Variants in PRR5 observed in about 807,000 individuals in gnomAD.
PRR5 encodes proline rich 5, also known as proline-rich protein 5.
A neutral mutation model predicts 30.6 loss-of-function variants in PRR5; 25 were observed. That is an observed-to-expected ratio of 0.82 (90% CI 0.60 to 1.14). The LOEUF is 1.14. Among genes scored for constraint, PRR5 ranks in the 50% most tolerant of loss-of-function variants. The probability of loss-of-function intolerance (pLI) is 0.00; values close to 1 mark genes in which losing one functional copy is unlikely to be tolerated. For synonymous variants in PRR5, 286 were observed against 247.1 expected (o/e 1.16, Z -1.48); for missense variants, 600 against 547.1 (o/e 1.10, Z -0.96).
upstream of PRR5, among the ~76,000 whole-genome samples, chr22:44,698,253 G>T (rs909064251): frequency 6.6e-6 from 1 of 152,174 alleles, no homozygotes; most frequent in African/African-American, 2.4e-5. Flanking sequence ...TGATGCCATC[G>T]GGCCTGGCAC....
intron 1 of PRR5, among the ~76,000 whole-genome samples, chr22:44,683,705 C>G (rs1463696119): frequency 6.6e-6 from 1 of 152,248 alleles, no homozygotes; most frequent in African/African-American, 2.4e-5. Context: ...GGCCTCAGAT[C>G]CAGTCCCTCT....
At chr22:44,711,874 C>T (rs1928293457) in intron 1 of PRR5, among the ~76,000 whole-genome samples, 1 of 152,226 alleles carries the variant, frequency 6.6e-6, no homozygotes, top group African/African-American at 2.4e-5. Flanking sequence ...ACCCCAACAG[C>T]TGCCACAGGG....
At chr22:44,675,422 C>T (rs146550483), upstream of PRR5, among the ~76,000 whole-genome samples, 2 of 152,270 alleles carry the variant, frequency 1.3e-5, no homozygotes, top group African/African-American at 2.4e-5. Context: ...GGTGTAATAT[C>T]GTGAGCATCT....
intron 1 of PRR5, among the ~76,000 whole-genome samples, chr22:44,684,777 A>G (rs958937881): frequency 1.3e-5 from 2 of 152,252 alleles, no homozygotes; most frequent in African/African-American, 4.8e-5. Context: ...GTAGGGGAGC[A>G]GCCCCTTCCT....
At chr22:44,675,489 C>T (rs1923687184), upstream of PRR5, among the ~76,000 whole-genome samples, 1 of 152,160 alleles carries the variant, frequency 6.6e-6, no homozygotes, top group Non-Finnish European at 1.5e-5. Flanking sequence ...TTTTCAGCAG[C>T]TGCACAGTAT....
chr22:44,724,666 T>C (rs1316586318), intron 2 of PRR5, among the ~76,000 whole-genome samples: 1 of 151,880 alleles, frequency 6.6e-6, no homozygotes, highest in Non-Finnish European at 1.5e-5. Flanking sequence ...AAGGTGGAGG[T>C]TCAGATCTCA....
In PRR5 at chr22:44,714,586, C is replaced by T. The variant is rs2147079306; in HGVS notation, c.135-5C>T. ...ACTGCAGTGTTTTCTTCCCTCTGCCCCCAGCATCCACAACGGGGTGATCGC... is the reference window on the plus strand; with the variant it reads ...ACTGCAGTGTTTTCTTCCCTCTGCCTCCAGCATCCACAACGGGGTGATCGC... On this transcript the variant is annotated splice_region_variant and splice_polypyrimidine_tract_variant and intron_variant, in intron 1 of 7. Transcript: ENST00000336985. The T allele has an allele frequency of 6.2e-7, 1 of 1,612,830 alleles. No homozygotes were observed. Among genetic ancestry groups the T allele is most frequent in the African/African-American group, 1.3e-5 (1 of 75,050 alleles).
chr22:44,736,748 G>A, intron 7 of PRR5, 24 bp from the exon 8 acceptor site: 1 of 1,528,266 alleles, frequency 6.5e-7, no homozygotes, highest in East Asian at 2.3e-5. Context: ...CCTCTGGTGT[G>A]ACAGTGCCCG....
chr22:44,726,003 G>A (rs1920938821), intron 3 of PRR5, among the ~76,000 whole-genome samples: 1 of 152,188 alleles, frequency 6.6e-6, no homozygotes, highest in Admixed American at 6.5e-5. Context: ...AACACGGCCT[G>A]CGGACTTTTG....
chr22:44,731,702 C>G (rs769232251), intron 4 of PRR5, 28 bp from the exon 5 acceptor site: 2 of 1,611,104 alleles, frequency 1.2e-6, no homozygotes, highest in South Asian at 2.2e-5. Context: ...CCAGTCAGGC[C>G]CAGTGGTGAT....
At chr22:44,731,212 C>T (rs1038577931) in intron 4 of PRR5, 2 of 206,694 alleles carry the variant, frequency 9.7e-6, no homozygotes, top group African/African-American at 4.8e-5. Context: ...GTAGGTCTCA[C>T]CTGTGCCAGG....
At chr22:44,669,068 C>T (rs1389328580) in intron 1 of PRR5, among the ~76,000 whole-genome samples, 3 of 150,172 alleles carry the variant, frequency 2.0e-5, no homozygotes, top group African/African-American at 7.3e-5. Flanking sequence ...CCCAGCCTCC[C>T]GGGACCTCCC....
At chr22:44,672,062 G>A (rs962047485), upstream of PRR5, among the ~76,000 whole-genome samples, 34 of 152,226 alleles carry the variant, frequency 2.2e-4, no homozygotes, top group Non-Finnish European at 1.0e-4. Context: ...GGCATCAGCC[G>A]TGGTATTGGT....
intron 4 of PRR5, among the ~76,000 whole-genome samples, chr22:44,727,866 C>G (rs16992699): frequency 0.082 from 12,467 of 152,276 alleles, 1,072 homozygotes; most frequent in African/African-American, 0.21. Context: ...TGAAAACCAT[C>G]AGACCGTCGG....
At chr22:44,711,288 C>T (rs1275771247) in intron 1 of PRR5, among the ~76,000 whole-genome samples, 2 of 152,182 alleles carry the variant, frequency 1.3e-5, no homozygotes, top group Non-Finnish European at 2.9e-5. Context: ...AGCTTTCCCA[C>T]ACAGCTGCGA....
rs182552996 is a variant in PRR5, at chr22:44,681,493, C to T, written c.-11+4253C>T. On this transcript the variant is annotated intron_variant, in intron 1 of 8. Coordinates refer to the PRR5 transcript ENST00000006251. ...ATCCCAGCTACTCAGGAAGCTGAGG[C>T]GGGAGAATCGCTTGAAACCGGAAGG... Among the ~76,000 whole-genome samples, 470 of 151,446 alleles carry T rather than the reference C, an allele frequency of 3.1e-3. 2 individuals carry two copies. Among genetic ancestry groups the T allele is most frequent in the South Asian group, 0.013 (64 of 4,790 alleles).
At chr22:44,714,123 CAG>C (rs149167748) in intron 1 of PRR5, among the ~76,000 whole-genome samples, 54,353 of 151,970 alleles carry the variant, frequency 0.36, 10,222 homozygotes, top group South Asian at 0.49. Context: ...GTTTTACAAA[CAG>C]GGGCAGGAAG....
Position 44,691,231 on chromosome 22 carries a change from G to A in PRR5, c.-10-11261G>A, listed in dbSNP as rs183282115. On this transcript the variant is annotated intron_variant, in intron 1 of 8. Coordinates refer to the PRR5 transcript ENST00000006251. The surrounding 1 kb of genome is among the most constrained non-coding windows in gnomAD (Gnocchi z 4.4). ...CGGGAGGATTTGGGTAGAGAAAACC[G>A]GGGTCTGGAATGGGGATTCTGAGGT... Among the ~76,000 whole-genome samples the A allele has an allele frequency of 2.7e-4, 41 of 152,274 alleles. No homozygotes were observed. The highest frequency in any genetic ancestry group is 2.2e-3 in the Admixed American group (34 of 15,296).
rs1923354504 is a variant in PRR5 at position 44,736,838 on chromosome 22, A to G, written c.758A>G (p.Lys253Arg). 2 of 1,599,666 alleles carry G rather than the reference A, an allele frequency of 1.3e-6. No individual in the cohort carries two copies. Among genetic ancestry groups the G allele is most frequent in the South Asian group, 1.1e-5 (1 of 90,636 alleles). Residue 253 changes from lysine (K) to arginine (R), a missense_variant, in exon 8 of 8, where the codon AAG (lysine) becomes AGG (arginine). Lys to Arg is a conservative substitution (Grantham distance 26). Coordinates refer to ENST00000336985, the MANE Select transcript of PRR5 (RefSeq NM_181333.4). The part of the protein sequence containing the change: ...VLAKNPVVRS[K>R]SYNTPLLNPV... ...GCCAAGAACCCTGTGGTGCGCTCCAAGAGCTACAACACGCCTCTGCTGAAC... is the reference window on the plus strand; with the variant it reads ...GCCAAGAACCCTGTGGTGCGCTCCAGGAGCTACAACACGCCTCTGCTGAAC...
Sources: gnomAD v4.1 joint callset for allele counts (sites outside exome capture counted in the v4.1 genomes callset) on GRCh38, gnomAD v4.1.1 for gene constraint, Gnocchi (gnomAD v3.1) non-coding constraint, MANE v1.5 for transcripts, NCBI Gene and HGNC (gene_info 2026-07-23, HGNC 2026-07-21) for gene names.